PKN3: variants seen among roughly 807,000 people sequenced by gnomAD.
The protein encoded by PKN3 is serine/threonine-protein kinase N3.
PKN3 carries 91 observed loss-of-function variants against 113.1 expected under a neutral mutation model. That is an observed-to-expected ratio of 0.80 (90% CI 0.68 to 0.96). The LOEUF is 0.96. PKN3 is among the 40% of genes least tolerant of loss of function. The pLI is 0.00. For synonymous variants in PKN3, 467 were observed against 499.0 expected, an observed-to-expected ratio of 0.94 and a Z score of 0.85; for missense variants, 1,052 against 1,202.2, an observed-to-expected ratio of 0.88 and a Z score of 1.85.
At position 128,720,867 on chromosome 9, in the gene PKN3, G is replaced by A. The variant is rs1337027372; in HGVS notation, c.*261G>A. 1 of 585,854 alleles carries A rather than the reference G, an allele frequency of 1.7e-6. No individual in the cohort carries two copies. Among genetic ancestry groups the A allele is most frequent in the Non-Finnish European group, 3.0e-6 (1 of 331,082 alleles). The allele number at this position is 585,854 out of a possible 1,614,324, so 36.3% of individuals were successfully genotyped here. ...AGGGTGCCGCAGCAAGGAGTGATAT[G>A]GTTTGTCTTTTTAAGACTGGACTTG... On this transcript the variant is annotated 3_prime_UTR_variant, in exon 22 of 22. Coordinates refer to ENST00000291906, the MANE Select transcript of PKN3 (RefSeq NM_013355.5). The surrounding 1 kb of genome is among the most constrained non-coding windows in gnomAD (Gnocchi z 5.5).
intron 6 of PKN3, among the ~76,000 whole-genome samples, chr9:128,707,812 C>T (rs1197762796): frequency 6.6e-6 from 1 of 152,236 alleles, no homozygotes; most frequent in Non-Finnish European, 1.5e-5. Flanking sequence ...GTGGCTCACG[C>T]TGGTAATTCC....
At chr9:128,717,113 G>GTTTTTTTT (rs1554781180) in intron 16 of PKN3, among the ~76,000 whole-genome samples, 190 bp downstream of exon 16, 3 of 14,440 alleles carry the variant, frequency 2.1e-4, no homozygotes, top group African/African-American at 2.0e-4. Context: ...TGTGCATTAG[G>GTTTTTTTT]TTTCTTTTTT....
At position 128,705,719 on chromosome 9, in the gene PKN3, T is replaced by TA. The variant is rs761926910; in HGVS notation, c.266-14dup. ...CTGGGTGAGGGACTCCTGTGCTCGA[T>TA]ACCCCCGTGCACAGAGCCTGTGGCC... On this transcript the variant is annotated splice_polypyrimidine_tract_variant and intron_variant, in intron 2 of 21. Transcript: ENST00000291906. 5 of 1,595,238 alleles carry TA rather than the reference T, an allele frequency of 3.1e-6. No homozygotes were observed. The highest frequency in any genetic ancestry group is 4.3e-6 in the Non-Finnish European group (5 of 1,171,100).
rs746463444 is a variant in PKN3, at chr9:128,707,342, C to A, written c.772C>A (p.Arg258=). Reference sequence around the variant, plus strand: ...GCGCAGCAGAGTGACCCGAGAGTTGCGGGCTGCGGTGCCTGGATACCCCCA... The same window carrying A: ...GCGCAGCAGAGTGACCCGAGAGTTGAGGGCTGCGGTGCCTGGATACCCCCA... The part of the protein sequence containing the change: ...PLRSRVTREL[R]AAVPGYPQPS... The change falls in exon 6 of 22, where the codon CGG becomes AGG. Residue 258 remains arginine, a synonymous_variant. Transcript: ENST00000291906. 1 of 1,613,720 alleles carries A rather than the reference C, an allele frequency of 6.2e-7. No homozygotes were observed. The highest frequency in any genetic ancestry group is 1.1e-5 in the South Asian group (1 of 91,080).
intron 3 of PKN3, 40 bp from the exon 4 acceptor site, chr9:128,706,673 C>T (rs765010163): frequency 1.4e-5 from 20 of 1,420,930 alleles, no homozygotes; most frequent in Non-Finnish European, 1.9e-5. Context: ...GAAGCTGTGG[C>T]CCAGGCCTGG....
chr9:128,708,363 A>C (rs949102009), intron 6 of PKN3, among the ~76,000 whole-genome samples: 2 of 152,084 alleles, frequency 1.3e-5, no homozygotes, highest in African/African-American at 2.4e-5. Flanking sequence ...CCTAGGTAAC[A>C]GGGCAAGACT....
intron 6 of PKN3, among the ~76,000 whole-genome samples, chr9:128,708,457 C>T (rs1416409789): frequency 6.6e-6 from 1 of 151,924 alleles, no homozygotes; most frequent in African/African-American, 2.4e-5. Flanking sequence ...GTGGCTCACA[C>T]CTATAATCCT....
chr9:128,703,012 A>C, intron 1 of PKN3, 73 bp downstream of exon 1: 1 of 1,041,786 alleles, frequency 9.6e-7, no homozygotes, highest in Non-Finnish European at 1.3e-6. Flanking sequence ...GGAGCCCCGA[A>C]CCGCGGCCGC....
intron 6 of PKN3, among the ~76,000 whole-genome samples, chr9:128,712,605 G>A (rs964695969): frequency 3.9e-5 from 6 of 152,154 alleles, no homozygotes; most frequent in South Asian, 2.1e-4. Flanking sequence ...GCAGCATCTC[G>A]TCATGTGCTG....
rs1374712833 is a variant in PKN3 at position 128,702,655 on chromosome 9, G to C, written c.-261G>C. On this transcript the variant is annotated 5_prime_UTR_variant, in exon 1 of 22. Coordinates refer to ENST00000291906, the MANE Select transcript of PKN3 (RefSeq NM_013355.5). ...GCAGGCGCCGAAGCCCGGGTACTGG[G>C]CCCAGAATCCCGCGGAATTTTGGAT... 1 of 440,304 alleles carries C rather than the reference G, an allele frequency of 2.3e-6. No homozygotes were observed. Among genetic ancestry groups the C allele is most frequent in the African/African-American group, 2.1e-5 (1 of 47,846 alleles). 27.3% of individuals were successfully genotyped at this position (440,304 alleles called of 1,614,324 possible).
chr9:128,714,857 C>G lies in PKN3; in HGVS notation c.1644C>G (p.Ser548=), dbSNP rs199633117. 1.7e-5 allele frequency: 28 copies of G among 1,613,906 alleles called. No homozygotes were observed. The South Asian group carries it at 3.1e-4, about 18-fold the overall frequency. The change falls in exon 13 of 22, where the codon TCC becomes TCG. Residue 548 remains serine (S), a synonymous_variant. Coordinates refer to ENST00000291906, the MANE Select transcript of PKN3 (RefSeq NM_013355.5). ...GACGTGGGCCATCTCCACCAGCCTC[C>G]CCCACCAGGTACCCCATCCTGCGCA... is the stretch of plus-strand genomic sequence containing the variant. ...RTRRGPSPPA[S]PTRKPPRLQD...
At chr9:128,708,512 GT>G (rs984214760) in intron 6 of PKN3, among the ~76,000 whole-genome samples, 11 of 151,270 alleles carry the variant, frequency 7.3e-5, no homozygotes, top group Non-Finnish European at 1.2e-4. Flanking sequence ...GAGCTCAGGA[GT>G]TTTTTTGAGA....
At chr9:128,704,259 A>C in intron 1 of PKN3, 1 of 581,604 alleles carries the variant, frequency 1.7e-6, no homozygotes, top group Non-Finnish European at 2.2e-6. Context: ...CCTGGCTCCA[A>C]CCTGGGTGAA....
Position 128,720,742 on chromosome 9 carries a change from G to A in PKN3, c.*136G>A, listed in dbSNP as rs746598568. ...CTTGGGATTCAAAGTGGCAGCCATGGGGCCACTGTTGTGGGCTTTGCTCAG... is the reference window on the plus strand; with the variant it reads ...CTTGGGATTCAAAGTGGCAGCCATGAGGCCACTGTTGTGGGCTTTGCTCAG... On this transcript the variant is annotated 3_prime_UTR_variant, in exon 22 of 22. Transcript: ENST00000291906. This position sits in a 1 kb window ranked among gnomAD's most constrained non-coding sequence, Gnocchi z 5.5. The A allele has an allele frequency of 1.3e-4, 98 of 750,800 alleles. No homozygotes were observed. The highest frequency in any genetic ancestry group is 2.1e-4 in the Non-Finnish European group (95 of 460,912). The allele number at this position is 750,800 out of a possible 1,614,324, so 46.5% of individuals were successfully genotyped here.
At chr9:128,704,185 C>T (rs1861940312) in intron 1 of PKN3, 3 of 976,226 alleles carry the variant, frequency 3.1e-6, no homozygotes, top group East Asian at 1.1e-4. Context: ...GTTACCCGGC[C>T]TGAGGTCACC....
Position 128,720,598 on chromosome 9 carries a change from G to A in PKN3, c.2662G>A (p.Glu888Lys). 6.2e-7 allele frequency: 1 copy of A among 1,612,850 alleles called. No individual in the cohort carries two copies. Residue 888 changes from glutamate (E) to lysine (K), a missense_variant, in exon 22 of 22, where the codon GAA (glutamate) becomes AAA (lysine). Glu to Lys is a moderately conservative substitution (Grantham distance 56). Transcript: ENST00000291906. This position sits in a 1 kb window ranked among gnomAD's most constrained non-coding sequence, Gnocchi z 5.5. ...DFDFVSERFL[E>K]P ...CGACTTTGTGTCAGAGCGATTCCTG[G>A]AACCCTGAGGGCATCTCCTGGCACC...
At chr9:128,708,573 A>G (rs1862087663) in intron 6 of PKN3, among the ~76,000 whole-genome samples, 2 of 151,360 alleles carry the variant, frequency 1.3e-5, no homozygotes, top group African/African-American at 4.9e-5. Flanking sequence ...GGCTGGGCAC[A>G]GTGGCTCAAG....
intron 15 of PKN3, 47 bp from the exon 16 acceptor site, chr9:128,716,700 C>T: frequency 6.5e-7 from 1 of 1,528,058 alleles, no homozygotes; most frequent in Non-Finnish European, 9.0e-7. Context: ...AGGGCACAGC[C>T]CAGGGAAAGT....
chr9:128,718,597 G>T lies in PKN3; in HGVS notation c.2097G>T (p.Lys699Asn). 6.2e-7 allele frequency: 1 copy of T among 1,614,098 alleles called. No individual in the cohort carries two copies. The highest frequency in any genetic ancestry group is 8.5e-7 in the Non-Finnish European group (1 of 1,180,012). The change falls in exon 18 of 22, where the codon AAG (lysine) becomes AAT (asparagine). Residue 699 changes from lysine to asparagine, a missense_variant. Around this residue, in one of 2 missense-constraint regions of PKN3, gnomAD observed 333 missense variants for 442.8 expected, o/e 0.75. Coordinates refer to ENST00000291906, the MANE Select transcript of PKN3 (RefSeq NM_013355.5). ...TGCTGGATGCCCAGGGATTCCTGAA[G>T]ATCGCAGACTTTGGACTCTGCAAGG... ...NLLLDAQGFL[K>N]IADFGLCKEG... is the part of the protein sequence containing the mutation.
Sources: gnomAD v4.1 joint callset for allele counts (sites outside exome capture counted in the v4.1 genomes callset) on GRCh38, gnomAD v4.1.1 for gene constraint, gnomAD v4.1.1 regional missense constraint, Gnocchi (gnomAD v3.1) non-coding constraint, MANE v1.5 for transcripts, NCBI Gene and HGNC (gene_info 2026-07-23, HGNC 2026-07-21) for gene names.